Variants in BDH2 observed in about 807,000 individuals in gnomAD.
The protein encoded by BDH2 is dehydrogenase/reductase SDR family member 6.
BDH2 carries 24 observed loss-of-function variants against 33.2 expected under a neutral mutation model. The ratio of observed to expected loss-of-function variants is 0.72; its 90% CI spans 0.52 to 1.02. BDH2 has a LOEUF of 1.02. BDH2 is among the 50% of genes least tolerant of loss of function. The pLI is 0.00. For synonymous variants in BDH2, 81 were observed against 101.6 expected, an observed-to-expected ratio of 0.80 and a Z score of 1.22; for missense variants, 249 against 301.6, an observed-to-expected ratio of 0.83 and a Z score of 1.29.
Position 103,082,062 on chromosome 4 carries a change from T to C in BDH2, c.684+19A>G. ...ATGTGATTGAGGGTAATGAACTCCTTGGGAAGAATAGTGCTTACTTCATCA... is the reference window on the plus strand; with the variant it reads ...ATGTGATTGAGGGTAATGAACTCCTCGGGAAGAATAGTGCTTACTTCATCA... On this transcript the variant is annotated intron_variant, in intron 9 of 9. Transcript: ENST00000296424. The C allele has an allele frequency of 6.2e-7, 1 of 1,604,868 alleles. No homozygotes were observed. The highest frequency in any genetic ancestry group is 8.5e-7 in the Non-Finnish European group (1 of 1,171,654).
chr4:103,087,258 G>A lies in BDH2; in HGVS notation c.358-718C>T, dbSNP rs558414230. Among the ~76,000 whole-genome samples the A allele has an allele frequency of 4.6e-5, 7 of 152,336 alleles. No homozygotes were observed. In the South Asian group the frequency reaches 1.4e-3, roughly 32 times the overall value. ...TGCAGGGTGTGGAAGCAATGAGGCTGCAGAGGTCAACAAGGGCTGAATTTA... is the reference window on the plus strand; with the variant it reads ...TGCAGGGTGTGGAAGCAATGAGGCTACAGAGGTCAACAAGGGCTGAATTTA... On this transcript the variant is annotated intron_variant, in intron 5 of 9. Coordinates refer to ENST00000296424, the MANE Select transcript of BDH2 (RefSeq NM_020139.4).
intron 3 of BDH2, 23 bp from the exon 4 acceptor site, chr4:103,092,719 C>G: frequency 1.3e-6 from 2 of 1,528,410 alleles, no homozygotes; most frequent in East Asian, 4.5e-5. Flanking sequence ...ACAAGAGGCA[C>G]TATTCCTAAA....
chr4:103,090,434 A>G (rs1320691554), intron 5 of BDH2, among the ~76,000 whole-genome samples: 1 of 152,244 alleles, frequency 6.6e-6, no homozygotes, highest in Non-Finnish European at 1.5e-5. Context: ...ACTGTGGTTC[A>G]GATCAAAACA....
At chr4:103,095,534 C>T (rs539546987) in intron 2 of BDH2, among the ~76,000 whole-genome samples, 11 of 152,002 alleles carry the variant, frequency 7.2e-5, no homozygotes, top group Admixed American at 1.3e-4. Context: ...AACAAAATAA[C>T]GTTCTTAAAA....
intron 3 of BDH2, among the ~76,000 whole-genome samples, chr4:103,094,068 T>C (rs1466089972): frequency 1.3e-5 from 2 of 152,184 alleles, no homozygotes; most frequent in Non-Finnish European, 2.9e-5. Context: ...TAAACTGCAA[T>C]TAAAATCCTT....
rs368646051 is a variant in BDH2 at position 103,091,213 on chromosome 4, G to A, written c.321C>T (p.Arg107=). The change falls in exon 5 of 10, where the codon CGC becomes CGT. Residue 107 remains arginine, a synonymous_variant. Transcript: ENST00000296424. The stretch of plus-strand genomic sequence containing the variant: ...ATGCCTTGATCATCAGGTACATGCT[G>A]CGCACATTGAGATTCATCGAGAAGT... ...DWDFSMNLNV[R]SMYLMIKAFL... 45 of 1,612,894 alleles carry A rather than the reference G, an allele frequency of 2.8e-5. No individual in the cohort carries two copies. The highest frequency in any genetic ancestry group is 2.5e-4 in the Admixed American group (15 of 59,980).
rs375033542 is a variant in BDH2, at chr4:103,096,219, C to T, written c.36G>A (p.Thr12=). Residue 12 remains threonine (T), a synonymous_variant, in exon 2 of 10, where the codon ACG becomes ACA. Transcript: ENST00000296424. ...GRLDGKVIIL[T]AAAQGIGQAA... is the part of the protein sequence containing the mutation. ...CTTGGCCAATCCCCTGAGCAGCGGC[C>T]GTCAGGATGATGACTTTCCCATCAA... is the stretch of plus-strand genomic sequence containing the variant. 1.8e-4 allele frequency: 294 copies of T among 1,613,758 alleles called. 1 individual carries two copies. Among genetic ancestry groups the T allele is most frequent in the Admixed American group, 3.2e-4 (19 of 60,020 alleles).
intron 1 of BDH2, chr4:103,098,771 T>C (rs1200780648): frequency 2.6e-5 from 4 of 152,140 alleles, no homozygotes. Flanking sequence ...TACCTAGTTC[T>C]CTCCTCATTC....
At chr4:103,081,367 G>A (rs947485127) in intron 9 of BDH2, among the ~76,000 whole-genome samples, 1 of 152,088 alleles carries the variant, frequency 6.6e-6, no homozygotes, top group Non-Finnish European at 1.5e-5. Flanking sequence ...GCGCAATCCC[G>A]GCTCACTGCA....
intron 2 of BDH2, 127 bp from the exon 3 acceptor site, chr4:103,095,408 G>A: frequency 1.5e-6 from 1 of 668,576 alleles, no homozygotes; most frequent in East Asian, 2.8e-5. Flanking sequence ...AAGATAGCTA[G>A]AATTTTAAAC....
chr4:103,082,032 GC>G, intron 9 of BDH2, 48 bp downstream of exon 9: 1 of 1,479,586 alleles, frequency 6.8e-7, no homozygotes, highest in Non-Finnish European at 9.4e-7. Context: ...GCAAATTGTG[GC>G]CAAATGTGAT....
chr4:103,098,700 T>G (rs555826394), intron 1 of BDH2: 1 of 152,442 alleles, frequency 6.6e-6, no homozygotes, highest in East Asian at 1.9e-4. Context: ...CTCAACCTGG[T>G]TTCCTTCTTT....
intron 6 of BDH2, chr4:103,085,993 G>T: frequency 8.6e-7 from 1 of 1,157,880 alleles, no homozygotes; most frequent in Non-Finnish European, 1.1e-6. Context: ...TGATGGCTCA[G>T]ATCAACTGTC....
intron 1 of BDH2, chr4:103,099,098 C>T (rs528042439): frequency 1.4e-4 from 22 of 152,190 alleles, no homozygotes; most frequent in African/African-American, 5.3e-4. Flanking sequence ...ATACTTTATC[C>T]TCCTTGAATC....
In BDH2 at chr4:103,079,486, A is replaced by C. The variant is rs1327310084; in HGVS notation, c.*216T>G. 1.9e-6 allele frequency: 1 copy of C among 538,268 alleles called. No homozygotes were observed. The highest frequency in any genetic ancestry group is 3.3e-6 in the Non-Finnish European group (1 of 303,824). 33.3% of individuals were successfully genotyped at this position (538,268 alleles called of 1,614,324 possible). A position where few individuals can be genotyped will look rare whatever the true frequency, so the allele number is the denominator to read the frequency against. ...AAACTATTCTCCTGCTATGAGTTCA[A>C]TATTTTTATTTCTTTACAATGATTT... On this transcript the variant is annotated 3_prime_UTR_variant, in exon 10 of 10. Coordinates refer to ENST00000296424, the MANE Select transcript of BDH2 (RefSeq NM_020139.4).
At chr4:103,082,044 T>C (rs753696253) in intron 9 of BDH2, 37 bp downstream of exon 9, 1 of 1,546,106 alleles carries the variant, frequency 6.5e-7, no homozygotes, top group East Asian at 2.2e-5. Flanking sequence ...CAAATGTGAT[T>C]GAGGGTAATG....
chr4:103,083,881 A>AT (rs1747640359), intron 7 of BDH2, among the ~76,000 whole-genome samples: 1 of 152,106 alleles, frequency 6.6e-6, no homozygotes, highest in South Asian at 2.1e-4. Flanking sequence ...GCCTGACTCC[A>AT]TTTTGGAACC....
At chr4:103,082,048 G>A in intron 9 of BDH2, 33 bp downstream of exon 9, 3 of 1,558,268 alleles carry the variant, frequency 1.9e-6, no homozygotes, top group African/African-American at 1.4e-5. Flanking sequence ...TGTGATTGAG[G>A]GTAATGAACT....
chr4:103,096,286 T>C lies in BDH2; in HGVS notation c.-20-12A>G, dbSNP rs1171259448. ...ACCTGTGGTTTAATCTAAAGACATGTGTGTTTAATGGGTTATACTGTAGAA... is the reference window on the plus strand; with the variant it reads ...ACCTGTGGTTTAATCTAAAGACATGCGTGTTTAATGGGTTATACTGTAGAA... On this transcript the variant is annotated splice_polypyrimidine_tract_variant and intron_variant, in intron 1 of 9. Coordinates refer to ENST00000296424, the MANE Select transcript of BDH2 (RefSeq NM_020139.4). 10 of 1,539,520 alleles carry C rather than the reference T, an allele frequency of 6.5e-6. No homozygotes were observed. Among genetic ancestry groups the C allele is most frequent in the East Asian group, 2.2e-5 (1 of 44,498 alleles).
Sources: allele counts gnomAD v4.1 joint callset (sites outside exome capture counted in the v4.1 genomes callset), GRCh38; gene constraint gnomAD v4.1.1; transcripts MANE v1.5; gene names NCBI Gene and HGNC (gene_info 2026-07-23, HGNC 2026-07-21).